ITGA9: variants seen among roughly 807,000 people sequenced by gnomAD.
ITGA9 encodes the protein integrin alpha-9.
ITGA9 carries 56 observed loss-of-function variants against 127.8 expected under a neutral mutation model. The observed-to-expected ratio is 0.44, with a 90% CI of 0.35 to 0.55. The LOEUF is 0.55. ITGA9 is among the 20% of genes least tolerant of loss of function. The pLI is 0.00. For synonymous variants in ITGA9, 508 were observed against 514.5 expected, an observed-to-expected ratio of 0.99 and a Z score of 0.17; for missense variants, 1,196 against 1,347.1, an observed-to-expected ratio of 0.89 and a Z score of 1.76.
At chr3:37,811,367 A>G (rs1697366136) in intron 27 of ITGA9, among the ~76,000 whole-genome samples, 1 of 152,200 alleles carries the variant, frequency 6.6e-6, no homozygotes, top group African/African-American at 2.4e-5. Context: ...AGAAAGTTAA[A>G]TTGCTCAGAG....
chr3:37,638,451 G>T (rs1466182392), intron 16 of ITGA9, among the ~76,000 whole-genome samples: 3 of 127,618 alleles, frequency 2.4e-5, no homozygotes, highest in East Asian at 2.3e-4. Flanking sequence ...TGATTATGGG[G>T]AAAAAAAAAA....
At position 37,788,679 on chromosome 3, in the gene ITGA9, C is replaced by T. The variant is rs149645649; in HGVS notation, c.2889+3601C>T. The stretch of plus-strand genomic sequence containing the variant: ...AATAAGTGTGCTAAAATGGATGAAG[C>T]GGCAATTTCTCAGGTCCCTTCCAAT... On this transcript the variant is annotated intron_variant, in intron 26 of 27. Transcript: ENST00000264741. 5.3e-3 allele frequency among the ~76,000 whole-genome samples: 806 copies of T among 152,170 alleles called. 2 individuals are homozygous for T. The highest frequency in any genetic ancestry group is 0.018 in the African/African-American group (764 of 41,532).
At chr3:37,702,564 G>A (rs1028645167) in intron 18 of ITGA9, among the ~76,000 whole-genome samples, 1 of 152,124 alleles carries the variant, frequency 6.6e-6, no homozygotes, top group African/African-American at 2.4e-5. Flanking sequence ...CCCCTCAAAA[G>A]GCAGAATGCA....
chr3:37,576,488 G>T (rs1699655205), intron 15 of ITGA9, among the ~76,000 whole-genome samples: 1 of 152,166 alleles, frequency 6.6e-6, no homozygotes, highest in Non-Finnish European at 1.5e-5. Flanking sequence ...TTCCCCCTGG[G>T]CTCACTTTTT....
At chr3:37,510,387 C>T (rs964462704) in intron 8 of ITGA9, among the ~76,000 whole-genome samples, 6 of 152,136 alleles carry the variant, frequency 3.9e-5, no homozygotes, top group African/African-American at 1.2e-4. Flanking sequence ...GCTTTTCCTT[C>T]CCTGCCCTAC....
intron 18 of ITGA9, among the ~76,000 whole-genome samples, chr3:37,712,687 T>C (rs537661710): frequency 6.6e-6 from 1 of 152,268 alleles, no homozygotes; most frequent in East Asian, 1.9e-4. Context: ...CTCTGTCCCT[T>C]CAGGGTGGCA....
At chr3:37,733,055 CA>C (rs1696314162) in intron 19 of ITGA9, 2 of 493,382 alleles carry the variant, frequency 4.1e-6, no homozygotes, top group South Asian at 4.0e-5. Context: ...GGACACACCA[CA>C]GCCTCTGCAC....
chr3:37,600,229 C>T (rs900680873), intron 15 of ITGA9, among the ~76,000 whole-genome samples: 3 of 152,064 alleles, frequency 2.0e-5, no homozygotes, highest in Non-Finnish European at 4.4e-5. Context: ...GTTCTAGGAG[C>T]CAGAGATACA....
Position 37,629,201 on chromosome 3 carries a change from C to CGTCATCA in ITGA9, c.1706_1712dup (p.Pro572HisfsTer7). The CGTCATCA allele has an allele frequency of 6.2e-7, 1 of 1,612,834 alleles. No individual in the cohort carries two copies. Among genetic ancestry groups the CGTCATCA allele is most frequent in the Non-Finnish European group, 8.5e-7 (1 of 1,179,898 alleles). ...TATTGTTTCAGCGGAGGGTGCAGGA[C>CGTCATCA]GTCATCAGCCCGATCGTGTTTGAAG... On this transcript the variant is annotated frameshift_variant, in exon 16 of 28. Coordinates refer to ENST00000264741, the MANE Select transcript of ITGA9 (RefSeq NM_002207.3). LOFTEE classifies it high-confidence loss of function. The surrounding 1 kb of genome is among the most constrained non-coding windows in gnomAD (Gnocchi z 4.5).
intron 15 of ITGA9, among the ~76,000 whole-genome samples, chr3:37,575,390 A>G (rs1450878912): frequency 6.6e-6 from 1 of 152,120 alleles, no homozygotes; most frequent in Non-Finnish European, 1.5e-5. Flanking sequence ...GCTGTCTCCT[A>G]TTTAAGAGTA....
At chr3:37,648,169 A>G (rs979346456) in intron 16 of ITGA9, among the ~76,000 whole-genome samples, 1 of 152,098 alleles carries the variant, frequency 6.6e-6, no homozygotes, top group Non-Finnish European at 1.5e-5. Context: ...CCTTTTCTCC[A>G]TGCCCTCACT....
At chr3:37,776,611 C>T (rs1452360009) in intron 23 of ITGA9, among the ~76,000 whole-genome samples, 2 of 152,170 alleles carry the variant, frequency 1.3e-5, no homozygotes, top group Non-Finnish European at 2.9e-5. Context: ...CTAACAGTTC[C>T]TCAATTTAAA....
At chr3:37,722,314 A>G (rs755714600) in intron 18 of ITGA9, among the ~76,000 whole-genome samples, 6 of 152,248 alleles carry the variant, frequency 3.9e-5, no homozygotes, top group Non-Finnish European at 5.9e-5. Context: ...TCGTTGAGAT[A>G]TAGTTCAGAT....
At chr3:37,665,516 C>A (rs1700578334) in intron 17 of ITGA9, among the ~76,000 whole-genome samples, 1 of 152,030 alleles carries the variant, frequency 6.6e-6, no homozygotes. Context: ...GTGGCGCTAT[C>A]TTGGCTCACT....
intron 16 of ITGA9, among the ~76,000 whole-genome samples, chr3:37,646,170 C>T (rs971638297): frequency 6.6e-6 from 1 of 152,178 alleles, no homozygotes; most frequent in Non-Finnish European, 1.5e-5. Flanking sequence ...TCCACCACTG[C>T]CTGTTTTTGT....
intron 15 of ITGA9, among the ~76,000 whole-genome samples, chr3:37,621,850 CTGAT>C (rs1402526325): frequency 1.3e-5 from 2 of 152,156 alleles, no homozygotes; most frequent in South Asian, 2.1e-4. Context: ...AATCTCTAAT[CTGAT>C]TGAGAAATTT....
intron 19 of ITGA9, among the ~76,000 whole-genome samples, chr3:37,733,515 C>A (rs1416751020): frequency 4.3e-3 from 347 of 80,376 alleles, no homozygotes; most frequent in Non-Finnish European, 5.3e-3. Context: ...CTCCGTCTCA[C>A]AAAAAAAAAA....
chr3:37,675,675 A>G (rs1047474737), intron 17 of ITGA9, among the ~76,000 whole-genome samples: 2 of 152,056 alleles, frequency 1.3e-5, no homozygotes, highest in African/African-American at 4.8e-5. Flanking sequence ...GCATTTCACA[A>G]TATTCACTAA....
At chr3:37,624,769 G>T (rs916611570) in intron 15 of ITGA9, among the ~76,000 whole-genome samples, 11 of 152,076 alleles carry the variant, frequency 7.2e-5, no homozygotes, top group African/African-American at 2.7e-4. Flanking sequence ...ACCACGCCCG[G>T]CTAATTTTTG....
Sources: allele counts gnomAD v4.1 joint callset (sites outside exome capture counted in the v4.1 genomes callset), GRCh38; gene constraint gnomAD v4.1.1; non-coding constraint Gnocchi (gnomAD v3.1); transcripts MANE v1.5; gene names NCBI Gene and HGNC (gene_info 2026-07-23, HGNC 2026-07-21).